Variants in CACNA2D1 observed in about 807,000 individuals in gnomAD.
The protein encoded by CACNA2D1 is voltage-dependent calcium channel subunit alpha-2/delta-1.
Under a neutral mutation model 171.5 loss-of-function variants are expected in CACNA2D1, and 53 were observed. That is an observed-to-expected ratio of 0.31 (90% CI 0.25 to 0.39). The LOEUF is 0.39. Ranked by LOEUF, CACNA2D1 falls within the 10% of genes least tolerant of loss-of-function variation. The pLI is 1.00. For synonymous variants in CACNA2D1, 442 were observed against 443.1 expected (o/e 1.00, Z 0.03); for missense variants, 903 against 1,299.8 (o/e 0.69, Z 4.69).
chr7:82,173,691 A>G (rs73705866), intron 3 of CACNA2D1, among the ~76,000 whole-genome samples: 5,786 of 151,244 alleles, frequency 0.038, 400 homozygotes, highest in African/African-American at 0.13. Context: ...TTTTGGTCAA[A>G]TGACATTTTA....
chr7:82,154,939 G>A (rs1447935807), intron 4 of CACNA2D1, among the ~76,000 whole-genome samples: 3 of 152,082 alleles, frequency 2.0e-5, no homozygotes, highest in Admixed American at 6.6e-5. Flanking sequence ...CTGGTGAGAG[G>A]TGACTGGATC....
At chr7:82,079,691 C>CA (rs755722648) in intron 7 of CACNA2D1, among the ~76,000 whole-genome samples, 4,562 of 69,866 alleles carry the variant, frequency 0.065, 90 homozygotes, top group African/African-American at 0.11. Flanking sequence ...GACTCTGTCT[C>CA]AAAAAAAAAA....
At chr7:82,233,433 T>C (rs185100964) in intron 3 of CACNA2D1, among the ~76,000 whole-genome samples, 113 of 152,310 alleles carry the variant, frequency 7.4e-4, no homozygotes, top group African/African-American at 2.6e-3. Context: ...ATCATGCTTT[T>C]AACACCAGAG....
At chr7:82,359,054 C>T (rs1278907265) in intron 1 of CACNA2D1, among the ~76,000 whole-genome samples, 2 of 151,978 alleles carry the variant, frequency 1.3e-5, no homozygotes, top group African/African-American at 2.4e-5. Context: ...GTTTTTTATC[C>T]TTCCACATCA....
At position 81,950,348 on chromosome 7, in the gene CACNA2D1, G is replaced by T; in HGVS notation, c.*44C>A. 6.2e-7 allele frequency: 1 copy of T among 1,612,630 alleles called. No homozygotes were observed. The highest frequency in any genetic ancestry group is 1.1e-5 in the South Asian group (1 of 91,046). ...TAATTGAGGGCAGGGCTCATGTTTTGGCAGGGTCTGGAGTTTAACTATGCA... is the reference window on the plus strand; with the variant it reads ...TAATTGAGGGCAGGGCTCATGTTTTTGCAGGGTCTGGAGTTTAACTATGCA... On this transcript the variant is annotated 3_prime_UTR_variant, in exon 39 of 39. Transcript: ENST00000356860.
chr7:82,358,673 GT>G (rs148258535), intron 1 of CACNA2D1, among the ~76,000 whole-genome samples: 4,087 of 147,864 alleles, frequency 0.028, 134 homozygotes, highest in Admixed American at 0.093. Flanking sequence ...TTCATTTTCT[GT>G]TTTTTTTTTC....
chr7:82,003,050 T>C (rs1208961906), intron 18 of CACNA2D1, among the ~76,000 whole-genome samples: 1 of 152,136 alleles, frequency 6.6e-6, no homozygotes, highest in Non-Finnish European at 1.5e-5. Flanking sequence ...TATTTGTTGA[T>C]TTCTAAAGCA....
chr7:82,106,369 A>G (rs1398999772), intron 6 of CACNA2D1, among the ~76,000 whole-genome samples: 5 of 151,762 alleles, frequency 3.3e-5, no homozygotes, highest in Non-Finnish European at 7.4e-5. Flanking sequence ...TTAATTTAAG[A>G]TTATCTCTCT....
chr7:82,385,663 TTG>T (rs906741992), intron 1 of CACNA2D1, among the ~76,000 whole-genome samples: 55 of 152,078 alleles, frequency 3.6e-4, no homozygotes, highest in African/African-American at 9.9e-4. Flanking sequence ...TTGTTTTGTT[TTG>T]TTTTGTTTTG....
rs773370085 is a variant in CACNA2D1, at chr7:82,097,424, C to T, written c.527-12524G>A. Among the ~76,000 whole-genome samples, 114 of 151,740 alleles carry T rather than the reference C, an allele frequency of 7.5e-4. 1 individual carries two copies. The highest frequency in any genetic ancestry group is 4.0e-4 in the Non-Finnish European group (27 of 67,978). ...GTAATACCATTCTGAACTAAAACAGCGGTGGTGGATATAGAGAGTGGAAAG... is the reference window on the plus strand; with the variant it reads ...GTAATACCATTCTGAACTAAAACAGTGGTGGTGGATATAGAGAGTGGAAAG... On this transcript the variant is annotated intron_variant, in intron 6 of 38. Coordinates refer to ENST00000356860, the MANE Select transcript of CACNA2D1 (RefSeq NM_000722.4).
intron 3 of CACNA2D1, among the ~76,000 whole-genome samples, chr7:82,218,994 A>G (rs1272885558): frequency 1.3e-5 from 2 of 152,158 alleles, no homozygotes; most frequent in Non-Finnish European, 2.9e-5. Context: ...TCCATTTAAA[A>G]GGCAGCTTCT....
intron 3 of CACNA2D1, among the ~76,000 whole-genome samples, chr7:82,190,448 G>T (rs1798177377): frequency 6.6e-6 from 1 of 151,682 alleles, no homozygotes; most frequent in Admixed American, 6.6e-5. Flanking sequence ...GAATAGCATG[G>T]CTACCTAATG....
At chr7:82,137,241 T>C (rs1368148706) in intron 4 of CACNA2D1, among the ~76,000 whole-genome samples, 2 of 152,188 alleles carry the variant, frequency 1.3e-5, no homozygotes, top group African/African-American at 4.8e-5. Context: ...TGAATTAGCA[T>C]TGGTGTTCTA....
rs1378970200 is a variant in CACNA2D1, at chr7:82,147,825, T to TAGGTTGGTAATC, written c.355-11161_355-11150dup. ...TCAAAATTGGAGCCTCAAAGAACAT[T>TAGGTTGGTAATC]AGGTTGGTAATCACTACATCAATTT... is the stretch of plus-strand genomic sequence containing the variant. On this transcript the variant is annotated intron_variant, in intron 4 of 38. Coordinates refer to ENST00000356860, the MANE Select transcript of CACNA2D1 (RefSeq NM_000722.4). Among the ~76,000 whole-genome samples the TAGGTTGGTAATC allele has an allele frequency of 4.6e-5, 7 of 152,272 alleles. No individual in the cohort carries two copies. In the South Asian group the frequency reaches 6.2e-4, roughly 14 times the overall value.
At chr7:82,380,840 G>A (rs971712530) in intron 1 of CACNA2D1, among the ~76,000 whole-genome samples, 10 of 151,732 alleles carry the variant, frequency 6.6e-5, no homozygotes, top group Admixed American at 5.9e-4. Flanking sequence ...GACCACAGGC[G>A]CATGCCACCA....
At chr7:82,213,350 C>A (rs1800760897) in intron 3 of CACNA2D1, among the ~76,000 whole-genome samples, 1 of 152,170 alleles carries the variant, frequency 6.6e-6, no homozygotes, top group African/African-American at 2.4e-5. Context: ...CTTGTTGAGG[C>A]TGGCAGAGTA....
chr7:81,980,402 A>G (rs1477667014), intron 24 of CACNA2D1, among the ~76,000 whole-genome samples: 1 of 152,012 alleles, frequency 6.6e-6, no homozygotes, highest in African/African-American at 2.4e-5. Flanking sequence ...CTGTGCTCCA[A>G]CAAAAATTTA....
chr7:82,032,961 A>G, intron 11 of CACNA2D1, 60 bp from the exon 12 acceptor site: 1 of 941,220 alleles, frequency 1.1e-6, no homozygotes, highest in Non-Finnish European at 1.7e-6. Context: ...AAGAGAAAAT[A>G]AAGCTATATG....
At chr7:82,418,587 T>G (rs951412030) in intron 1 of CACNA2D1, among the ~76,000 whole-genome samples, 5 of 152,144 alleles carry the variant, frequency 3.3e-5, no homozygotes, top group Admixed American at 2.6e-4. Context: ...TTTTCCCTCA[T>G]GTAATAGCAT....
Sources: gnomAD v4.1 joint callset for allele counts (sites outside exome capture counted in the v4.1 genomes callset) on GRCh38, gnomAD v4.1.1 for gene constraint, MANE v1.5 for transcripts, NCBI Gene and HGNC (gene_info 2026-07-23, HGNC 2026-07-21) for gene names.